DHRS12: variants seen among roughly 807,000 people sequenced by gnomAD.
DHRS12 encodes the protein dehydrogenase/reductase SDR family member 12.
In DHRS12, 29 loss-of-function variants were observed where a neutral mutation model predicts 32.1. The ratio of observed to expected loss-of-function variants is 0.90; its 90% CI spans 0.67 to 1.23. The LOEUF (loss-of-function observed/expected upper bound fraction) is 1.23, where lower values mean the gene tolerates loss of function less well. DHRS12 is among the 50% of genes most tolerant of loss of function. DHRS12 has a pLI of 0.00. For missense variants in DHRS12, 330 were observed against 337.2 expected (o/e 0.98, Z 0.17); for synonymous variants, 150 against 135.9 (o/e 1.10, Z -0.72).
the DHRS12 span, chr13:51,755,408 C>A: frequency 6.2e-7 from 1 of 1,614,180 alleles, no homozygotes; most frequent in Non-Finnish European, 8.5e-7. Context: ...ATCAGCCTTT[C>A]TTCTGGAACT....
chr13:51,800,201 C>T (rs1439420411), intron 1 of DHRS12, among the ~76,000 whole-genome samples: 1 of 152,212 alleles, frequency 6.6e-6, no homozygotes, highest in Non-Finnish European at 1.5e-5. Flanking sequence ...CACTGCACAG[C>T]TCTAGGGAGT....
At chr13:51,800,967 A>G (rs567640247) in intron 1 of DHRS12, among the ~76,000 whole-genome samples, 1 of 152,350 alleles carries the variant, frequency 6.6e-6, no homozygotes, top group East Asian at 1.9e-4. Flanking sequence ...AAACTTAAAA[A>G]TATCAGTAAC....
Position 51,782,624 on chromosome 13 carries a change from G to C in DHRS12, c.302-5503C>G, listed in dbSNP as rs934730008. On this transcript the variant is annotated intron_variant, in intron 4 of 8. Coordinates refer to ENST00000444610, the MANE Select transcript of DHRS12 (RefSeq NM_001377533.1). This position sits in a 1 kb window ranked among gnomAD's most constrained non-coding sequence, Gnocchi z 4.2. ...GGACCATGAGAGGCTGGTGGAGGAA[G>C]TGCTGTGCAGGCTTTTCTCCAGGGC... 6.6e-6 allele frequency among the ~76,000 whole-genome samples: 1 copy of C among 152,192 alleles called. No homozygotes were observed.
chr13:51,755,584 C>G, the DHRS12 span: 2 of 824,248 alleles, frequency 2.4e-6, no homozygotes, highest in Non-Finnish European at 2.0e-6. Flanking sequence ...CTGGAGTCAC[C>G]TCGTGATTGC....
chr13:51,801,418 C>A (rs1955749200), intron 1 of DHRS12, among the ~76,000 whole-genome samples: 1 of 152,116 alleles, frequency 6.6e-6, no homozygotes, highest in Non-Finnish European at 1.5e-5. Flanking sequence ...GAACACCTGA[C>A]CTCAGGTGAT....
intron 2 of DHRS12, among the ~76,000 whole-genome samples, chr13:51,793,574 C>A (rs1459650160): frequency 2.6e-5 from 4 of 152,180 alleles, no homozygotes; most frequent in African/African-American, 9.7e-5. Flanking sequence ...TAAGCCTGGC[C>A]CAACTGAATA....
At chr13:51,781,741 G>A (rs2139121369) in intron 4 of DHRS12, among the ~76,000 whole-genome samples, 1 of 152,342 alleles carries the variant, frequency 6.6e-6, no homozygotes, top group Middle Eastern at 3.4e-3. Flanking sequence ...AGTGAGCATG[G>A]TAGAGGGTAG....
downstream of DHRS12, chr13:51,767,060 T>G (rs74086273): frequency 6.6e-6 from 1 of 152,364 alleles, no homozygotes; most frequent in African/African-American, 2.4e-5. Flanking sequence ...CTTAGTAAAC[T>G]TTTCCAGTGA....
intron 4 of DHRS12, among the ~76,000 whole-genome samples, chr13:51,778,523 A>T (rs1181740712): frequency 6.6e-6 from 1 of 152,150 alleles, no homozygotes; most frequent in Non-Finnish European, 1.5e-5. Flanking sequence ...TCTGTGATTT[A>T]TGACAAGTAG....
chr13:51,800,260 G>T (rs1217089350), intron 1 of DHRS12, among the ~76,000 whole-genome samples: 1 of 152,264 alleles, frequency 6.6e-6, no homozygotes, highest in Non-Finnish European at 1.5e-5. Flanking sequence ...TTATGATAAT[G>T]TTCTGGCAGG....
At chr13:51,777,556 T>C (rs1954496178) in intron 4 of DHRS12, among the ~76,000 whole-genome samples, 1 of 152,216 alleles carries the variant, frequency 6.6e-6, no homozygotes, top group African/African-American at 2.4e-5. Context: ...ACTGTTTGGA[T>C]TTGAGTATTT....
At chr13:51,798,362 T>C (rs1408613664) in intron 2 of DHRS12, among the ~76,000 whole-genome samples, 1 of 152,202 alleles carries the variant, frequency 6.6e-6, no homozygotes. Flanking sequence ...TAGCATGTAG[T>C]AGAGACTCAA....
chr13:51,781,250 G>A (rs1311562030), intron 4 of DHRS12, among the ~76,000 whole-genome samples: 1 of 152,202 alleles, frequency 6.6e-6, no homozygotes, highest in Non-Finnish European at 1.5e-5. Flanking sequence ...GACATTCAAG[G>A]CACTGGCTTC....
At chr13:51,774,128 A>C in intron 5 of DHRS12, 94 bp from the exon 6 acceptor site, 1 of 1,108,936 alleles carries the variant, frequency 9.0e-7, no homozygotes. Context: ...TGTTGTGACC[A>C]ATGACCACAA....
downstream of DHRS12, chr13:51,766,247 T>C (rs1317563765): frequency 6.6e-6 from 1 of 152,254 alleles, no homozygotes; most frequent in Non-Finnish European, 1.5e-5. Flanking sequence ...AATCTTTATA[T>C]GAAATGTACA....
chr13:51,797,490 G>C (rs1955559848), intron 2 of DHRS12, among the ~76,000 whole-genome samples: 1 of 152,152 alleles, frequency 6.6e-6, no homozygotes, highest in African/African-American at 2.4e-5. Flanking sequence ...TGGCACCCGG[G>C]TGACCCTTGC....
At chr13:51,766,992 C>T (rs1953770656), downstream of DHRS12, 1 of 152,220 alleles carries the variant, frequency 6.6e-6, no homozygotes. Flanking sequence ...AAGCACAGCA[C>T]ACGGGCTCAA....
At chr13:51,785,604 G>A (rs1047278588) in intron 4 of DHRS12, among the ~76,000 whole-genome samples, 2 of 152,144 alleles carry the variant, frequency 1.3e-5, no homozygotes, top group Non-Finnish European at 2.9e-5. Context: ...AATATACGTT[G>A]GCCAGAATAT....
chr13:51,789,011 G>A (rs1955132996), intron 4 of DHRS12, among the ~76,000 whole-genome samples: 2 of 152,152 alleles, frequency 1.3e-5, no homozygotes. Context: ...GGTTCCATAT[G>A]AGGAAACCCA....
Sources: allele counts gnomAD v4.1 joint callset (sites outside exome capture counted in the v4.1 genomes callset), GRCh38; gene constraint gnomAD v4.1.1; non-coding constraint Gnocchi (gnomAD v3.1); transcripts MANE v1.5; gene names NCBI Gene and HGNC (gene_info 2026-07-23, HGNC 2026-07-21).